The following SH3RF3 variants were observed in gnomAD, a reference collection of about 807,000 sequenced individuals.
SH3RF3 encodes SH3 domain containing ring finger 3, also known as E3 ubiquitin-protein ligase SH3RF3.
In SH3RF3, 29 loss-of-function variants were observed where a neutral mutation model predicts 66.3. The observed-to-expected ratio is 0.44, with a 90% CI of 0.33 to 0.60. The LOEUF (loss-of-function observed/expected upper bound fraction) is 0.60, where lower values mean the gene tolerates loss of function less well. Among genes scored for constraint, SH3RF3 ranks in the 20% least tolerant of loss-of-function variants. The pLI, the probability that SH3RF3 is intolerant of heterozygous loss-of-function variation, is 0.04. For missense variants in SH3RF3, 1,194 were observed against 1,190.9 expected (o/e 1.00, Z -0.04); for synonymous variants, 583 against 532.0 (o/e 1.10, Z -1.32).
rs185296668 is a variant in SH3RF3, at chr2:109,402,522, C to T, written c.1299+3579C>T. Among the ~76,000 whole-genome samples the T allele has an allele frequency of 2.0e-3, 305 of 152,324 alleles. 1 individual carries two copies. The highest frequency in any genetic ancestry group is 6.9e-3 in the African/African-American group (288 of 41,576). On this transcript the variant is annotated intron_variant, in intron 4 of 9. Coordinates refer to ENST00000309415, the MANE Select transcript of SH3RF3 (RefSeq NM_001099289.3). The stretch of plus-strand genomic sequence containing the variant: ...GTGGAGTGGACAGAGCAGGAAGGCC[C>T]GCAGCCCCAGGCTCCTCGGTGCCTA...
intron 1 of SH3RF3, among the ~76,000 whole-genome samples, chr2:109,162,479 A>G (rs1677512177): frequency 6.6e-6 from 1 of 152,194 alleles, no homozygotes; most frequent in Admixed American, 6.5e-5. Flanking sequence ...CTTGTTACCT[A>G]TGTATACATG....
chr2:109,398,798 TCA>T lies in SH3RF3; in HGVS notation c.1155_1156del (p.Ser386CysfsTer18), dbSNP rs1360456935. 1 of 1,613,738 alleles carries T rather than the reference TCA, an allele frequency of 6.2e-7. No individual in the cohort carries two copies. On this transcript the variant is annotated frameshift_variant, in exon 4 of 10. Transcript: ENST00000309415. LOFTEE classifies it high-confidence loss of function. ...AAGAAACGCCACTCCTTCACCGCGC[TCA>T]GTGTGACGCACAGATCCTCCCAGGC...
At chr2:109,415,518 C>T (rs1676699582) in intron 4 of SH3RF3, among the ~76,000 whole-genome samples, 1 of 152,126 alleles carries the variant, frequency 6.6e-6, no homozygotes, top group African/African-American at 2.4e-5. Flanking sequence ...TGTCCAGACC[C>T]CCTCCTGACT....
chr2:109,278,967 A>AT (rs1182736785), intron 1 of SH3RF3, among the ~76,000 whole-genome samples: 1 of 152,186 alleles, frequency 6.6e-6, no homozygotes, highest in African/African-American at 2.4e-5. Flanking sequence ...GAAGACACAG[A>AT]TTTTAGACTT....
At chr2:109,235,196 T>G (rs764497882) in intron 1 of SH3RF3, among the ~76,000 whole-genome samples, 5 of 152,162 alleles carry the variant, frequency 3.3e-5, no homozygotes, top group Non-Finnish European at 5.9e-5. Flanking sequence ...ACCTGTCTTC[T>G]AATGAAGGTT....
At chr2:109,489,398 A>G (rs760850693) in intron 8 of SH3RF3, among the ~76,000 whole-genome samples, 2 of 152,238 alleles carry the variant, frequency 1.3e-5, no homozygotes, top group Non-Finnish European at 2.9e-5. Flanking sequence ...GGGCCGGAGC[A>G]GTTGTGCTCT....
chr2:109,454,343 G>A (rs189679579), intron 8 of SH3RF3, among the ~76,000 whole-genome samples: 36 of 152,292 alleles, frequency 2.4e-4, no homozygotes, highest in African/African-American at 7.5e-4. Flanking sequence ...GGGGTGACCC[G>A]AACCTTCACT....
intron 1 of SH3RF3, among the ~76,000 whole-genome samples, chr2:109,172,202 G>A (rs749723172): frequency 6.6e-5 from 10 of 152,214 alleles, no homozygotes; most frequent in South Asian, 2.1e-4. Context: ...TCAGACCAGG[G>A]TCCTCTGGCA....
intron 2 of SH3RF3, among the ~76,000 whole-genome samples, chr2:109,348,903 C>G (rs1006125303): frequency 5.9e-5 from 9 of 152,068 alleles, no homozygotes; most frequent in African/African-American, 1.4e-4. Flanking sequence ...CTTCCCACCT[C>G]CCTACACAGG....
At chr2:109,373,601 ACTC>A (rs1289379148) in intron 3 of SH3RF3, among the ~76,000 whole-genome samples, 3 of 146,728 alleles carry the variant, frequency 2.0e-5, no homozygotes, top group Non-Finnish European at 4.5e-5. Flanking sequence ...AGCAGACAGA[ACTC>A]CTCTGTTGTG....
At chr2:109,411,377 C>T (rs958617943) in intron 4 of SH3RF3, among the ~76,000 whole-genome samples, 2 of 152,198 alleles carry the variant, frequency 1.3e-5, no homozygotes, top group Non-Finnish European at 2.9e-5. Flanking sequence ...TCATCTCTGC[C>T]CCTCAGCAGG....
intron 1 of SH3RF3, among the ~76,000 whole-genome samples, chr2:109,299,395 G>A (rs1299925493): frequency 6.7e-6 from 1 of 149,772 alleles, no homozygotes; most frequent in African/African-American, 2.4e-5. Flanking sequence ...GCACATCAGG[G>A]TCCTTGACAC....
At chr2:109,342,648 C>T (rs1453435434) in intron 1 of SH3RF3, among the ~76,000 whole-genome samples, 2 of 152,318 alleles carry the variant, frequency 1.3e-5, no homozygotes, top group East Asian at 1.9e-4. Context: ...CTCTGGCACC[C>T]GCCCTTACTC....
At chr2:109,406,079 A>G (rs2104466800) in intron 4 of SH3RF3, among the ~76,000 whole-genome samples, 1 of 152,270 alleles carries the variant, frequency 6.6e-6, no homozygotes, top group Non-Finnish European at 1.5e-5. Flanking sequence ...CAGCCGGCTG[A>G]GCCTCAGATG....
intron 1 of SH3RF3, among the ~76,000 whole-genome samples, chr2:109,258,620 G>A (rs1187682341): frequency 6.6e-6 from 1 of 152,240 alleles, no homozygotes; most frequent in Non-Finnish European, 1.5e-5. Context: ...AGCTGGCTGT[G>A]CTCCTAACAT....
chr2:109,220,211 C>G (rs527343426), intron 1 of SH3RF3, among the ~76,000 whole-genome samples: 2 of 152,278 alleles, frequency 1.3e-5, no homozygotes, highest in African/African-American at 4.8e-5. Flanking sequence ...GCTGGGAAAA[C>G]TGGATATTCT....
chr2:109,413,082 T>G (rs1417079414), intron 4 of SH3RF3, among the ~76,000 whole-genome samples: 1 of 152,214 alleles, frequency 6.6e-6, no homozygotes, highest in Non-Finnish European at 1.5e-5. Context: ...TCCTTACCTG[T>G]ACCTCCTTTC....
intron 1 of SH3RF3, among the ~76,000 whole-genome samples, chr2:109,162,695 A>G (rs745415645): frequency 1.3e-5 from 2 of 152,206 alleles, no homozygotes; most frequent in African/African-American, 4.8e-5. Context: ...ATACGTGTGC[A>G]TGTGTCTTTA....
chr2:109,233,855 T>G (rs1242423191), intron 1 of SH3RF3, among the ~76,000 whole-genome samples: 1 of 152,260 alleles, frequency 6.6e-6, no homozygotes, highest in Non-Finnish European at 1.5e-5. Flanking sequence ...CATTTGCGAT[T>G]GGTCTGCATT....
Sources: gnomAD v4.1 joint callset for allele counts (sites outside exome capture counted in the v4.1 genomes callset) on GRCh38, gnomAD v4.1.1 for gene constraint, MANE v1.5 for transcripts, NCBI Gene and HGNC (gene_info 2026-07-23, HGNC 2026-07-21) for gene names.